DTNA: variants seen among roughly 807,000 people sequenced by gnomAD.
DTNA encodes dystrobrevin alpha, also known as dystrophin-related protein 3.
DTNA carries 43 observed loss-of-function variants against 100.7 expected under a neutral mutation model. The observed-to-expected ratio is 0.43, with a 90% CI of 0.33 to 0.55. DTNA has a LOEUF of 0.55. Ranked by LOEUF, DTNA falls within the 20% of genes least tolerant of loss-of-function variation. The probability of loss-of-function intolerance (pLI) is 0.04; values close to 1 mark genes in which losing one functional copy is unlikely to be tolerated. For synonymous variants in DTNA, 349 were observed against 347.9 expected (o/e 1.00, Z -0.04); for missense variants, 798 against 953.9 (o/e 0.84, Z 2.15).
chr18:34,884,616 C>A, intron 21 of DTNA, 112 bp from the exon 22 acceptor site: 1 of 1,156,820 alleles, frequency 8.6e-7, no homozygotes, highest in Non-Finnish European at 1.3e-6. Flanking sequence ...TCAATAGACT[C>A]TCTCTCTCTC....
intron 16 of DTNA, 97 bp downstream of exon 16, chr18:34,858,495 C>T (rs2096578881): frequency 8.3e-7 from 1 of 1,206,590 alleles, no homozygotes; most frequent in Non-Finnish European, 1.2e-6. Flanking sequence ...CCTCAGCTAC[C>T]TTAGCTGCTG....
chr18:34,543,106 C>T (rs1319483665), intron 1 of DTNA, among the ~76,000 whole-genome samples: 1 of 151,956 alleles, frequency 6.6e-6, no homozygotes, highest in African/African-American at 2.4e-5. Context: ...CTTTATTAAT[C>T]TCACTTGTAG....
At chr18:34,832,875 A>C (rs1411731137) in intron 11 of DTNA, among the ~76,000 whole-genome samples, 1 of 152,222 alleles carries the variant, frequency 6.6e-6, no homozygotes, top group South Asian at 2.1e-4. Context: ...TTACTAGACT[A>C]TAATTCTAGT....
intron 1 of DTNA, among the ~76,000 whole-genome samples, chr18:34,634,705 AT>A (rs1035124734): frequency 1.2e-4 from 18 of 152,198 alleles, no homozygotes; most frequent in African/African-American, 4.3e-4. Context: ...TTTAAAAAAA[AT>A]TTAATTAACA....
At chr18:34,716,338 G>T (rs1277968539) in intron 1 of DTNA, among the ~76,000 whole-genome samples, 3 of 152,138 alleles carry the variant, frequency 2.0e-5, no homozygotes, top group Non-Finnish European at 4.4e-5. Context: ...GAGGCGGGTG[G>T]ATCGCCTGAG....
At chr18:34,785,868 A>G (rs78765748) in intron 3 of DTNA, among the ~76,000 whole-genome samples, 21,429 of 152,172 alleles carry the variant, frequency 0.14, 1,587 homozygotes, top group African/African-American at 0.17. Flanking sequence ...CCAGAACAGC[A>G]CTGCAACACA....
In DTNA at chr18:34,555,041, C is replaced by T. The variant is rs1164871248; in HGVS notation, c.-2+61527C>T. Among the ~76,000 whole-genome samples, 38 of 127,244 alleles carry T rather than the reference C, an allele frequency of 3.0e-4. 1 individual carries two copies. The East Asian group carries it at 6.5e-3, about 22-fold the overall frequency. 83.5% of individuals were successfully genotyped at this position (127,244 alleles called of 152,430 possible). A position where few individuals can be genotyped will look rare whatever the true frequency, so the allele number is the denominator to read the frequency against. ...TGGTTGGTAAACTATTGATTATTGC[C>T]ACAATTTCAGCTCCTGTTATTGGTC... On this transcript the variant is annotated intron_variant, in intron 1 of 19. Transcript: ENST00000283365.
intron 1 of DTNA, among the ~76,000 whole-genome samples, chr18:34,613,420 AAGAAACACATGTTG>A (rs2054612370): frequency 6.6e-6 from 1 of 152,258 alleles, no homozygotes; most frequent in Non-Finnish European, 1.5e-5. Context: ...TGATTAAGTT[AAGAAACACATGTTG>A]AAAGCCAAGA....
chr18:34,735,106 G>A (rs1325196856), intron 1 of DTNA, among the ~76,000 whole-genome samples: 1 of 152,042 alleles, frequency 6.6e-6, no homozygotes, highest in African/African-American at 2.4e-5. Flanking sequence ...ATATATACAT[G>A]TGTAAGGAGA....
chr18:34,716,109 G>A (rs1012110727), intron 1 of DTNA, among the ~76,000 whole-genome samples: 3 of 152,068 alleles, frequency 2.0e-5, no homozygotes, highest in African/African-American at 4.8e-5. Flanking sequence ...ATATCCTTGG[G>A]CCCTACAGTT....
chr18:34,657,972 T>G (rs1376386496), intron 1 of DTNA, among the ~76,000 whole-genome samples: 1 of 152,198 alleles, frequency 6.6e-6, no homozygotes, highest in Non-Finnish European at 1.5e-5. Flanking sequence ...TCATAAAAAT[T>G]AAAGTCAGTA....
intron 3 of DTNA, among the ~76,000 whole-genome samples, chr18:34,781,251 T>A (rs1043590603): frequency 2.0e-5 from 3 of 152,202 alleles, no homozygotes; most frequent in Admixed American, 6.5e-5. Flanking sequence ...TTAAAAAATT[T>A]TGTTTTAATT....
intron 1 of DTNA, among the ~76,000 whole-genome samples, chr18:34,553,084 A>G (rs1167764525): frequency 1.3e-5 from 2 of 150,206 alleles, no homozygotes; most frequent in Non-Finnish European, 1.5e-5. Context: ...CTGGTGTGAG[A>G]TGGTATCTCA....
At chr18:34,764,134 C>T (rs996914110) in intron 2 of DTNA, among the ~76,000 whole-genome samples, 2 of 152,136 alleles carry the variant, frequency 1.3e-5, no homozygotes, top group African/African-American at 4.8e-5. Context: ...AAATTTCTAT[C>T]ACATATTTTT....
chr18:34,881,925 AG>A (rs2096877445), intron 20 of DTNA, 143 bp from the exon 21 acceptor site: 9 of 1,062,860 alleles, frequency 8.5e-6, no homozygotes, highest in Non-Finnish European at 1.3e-5. Context: ...AGTTTTTTTT[AG>A]GTATTACTAA....
chr18:34,858,077 G>A (rs1033023126), intron 15 of DTNA, among the ~76,000 whole-genome samples: 5 of 152,158 alleles, frequency 3.3e-5, no homozygotes, highest in African/African-American at 1.2e-4. Flanking sequence ...TGGAAATGAA[G>A]TCAATCTTCC....
intron 17 of DTNA, among the ~76,000 whole-genome samples, chr18:34,870,726 T>G (rs758362034): frequency 6.6e-6 from 1 of 152,052 alleles, no homozygotes; most frequent in African/African-American, 2.4e-5. Flanking sequence ...AGAGCCACAA[T>G]GGCCTTCCCA....
chr18:34,545,861 G>A (rs2044724809), intron 1 of DTNA, among the ~76,000 whole-genome samples: 1 of 152,098 alleles, frequency 6.6e-6, no homozygotes, highest in Non-Finnish European at 1.5e-5. Context: ...GCAGGCTGTA[G>A]GAAACATTAA....
At chr18:34,584,093 C>G (rs538965905) in intron 1 of DTNA, among the ~76,000 whole-genome samples, 2 of 152,158 alleles carry the variant, frequency 1.3e-5, no homozygotes, top group Non-Finnish European at 2.9e-5. Flanking sequence ...GGCTGTACTT[C>G]CCAGGCAGAA....
Sources: gnomAD v4.1 joint callset for allele counts (sites outside exome capture counted in the v4.1 genomes callset) on GRCh38, gnomAD v4.1.1 for gene constraint, MANE v1.5 for transcripts, NCBI Gene and HGNC (gene_info 2026-07-23, HGNC 2026-07-21) for gene names.